ABHD17C: variants seen among roughly 807,000 people sequenced by gnomAD.
ABHD17C encodes abhydrolase domain containing 17C, depalmitoylase, also known as alpha/beta hydrolase domain-containing protein 17C.
ABHD17C carries 11 observed loss-of-function variants against 27.9 expected under a neutral mutation model. The observed-to-expected ratio is 0.39, with a 90% CI of 0.25 to 0.65. The LOEUF (loss-of-function observed/expected upper bound fraction) is 0.65, where lower values mean the gene tolerates loss of function less well. ABHD17C is among the 30% of genes least tolerant of loss of function. The pLI is 0.45. For synonymous variants in ABHD17C, 233 were observed against 209.1 expected, an observed-to-expected ratio of 1.11 and a Z score of -0.98; for missense variants, 280 against 470.2, an observed-to-expected ratio of 0.60 and a Z score of 3.74.
rs560901634 is a variant in ABHD17C at position 80,715,274 on chromosome 15, A to C, written c.590+19255A>C. Among the ~76,000 whole-genome samples the C allele has an allele frequency of 1.8e-3, 271 of 152,318 alleles. 1 individual carries two copies. Among genetic ancestry groups the C allele is most frequent in the Admixed American group, 4.4e-3 (67 of 15,308 alleles). ...CCATTTGGATTGGGTGGTTCTGACC[A>C]CTTTACCATTTTTTATGTTGATTCT... On this transcript the variant is annotated intron_variant, in intron 1 of 2. Transcript: ENST00000258884.
chr15:80,745,546 T>C (rs1371243268), intron 1 of ABHD17C, among the ~76,000 whole-genome samples: 4 of 152,118 alleles, frequency 2.6e-5, no homozygotes, highest in African/African-American at 9.7e-5. Context: ...TTTTTTTATT[T>C]TGTGGAGATG....
chr15:80,707,689 G>A (rs1894667311), intron 1 of ABHD17C, among the ~76,000 whole-genome samples: 1 of 152,112 alleles, frequency 6.6e-6, no homozygotes, highest in South Asian at 2.1e-4. Context: ...CTGGACTTAA[G>A]GCAGATAAGG....
rs529839271 is a variant in ABHD17C, at chr15:80,714,809, A to G, written c.590+18790A>G. ...GTTGAGACACCAGTGTTCTCAATTC[A>G]TAGTGTTACTTAATATATTTTTGGA... On this transcript the variant is annotated intron_variant, in intron 1 of 2. Transcript: ENST00000258884. Among the ~76,000 whole-genome samples, 5 of 152,346 alleles carry G rather than the reference A, an allele frequency of 3.3e-5. No homozygotes were observed. The South Asian group carries it at 6.2e-4, about 19-fold the overall frequency.
chr15:80,705,655 G>A (rs576924972), intron 1 of ABHD17C, among the ~76,000 whole-genome samples: 1 of 152,294 alleles, frequency 6.6e-6, no homozygotes, highest in East Asian at 1.9e-4. Context: ...TAAAGAAGTT[G>A]CTTCTTTTCC....
At chr15:80,739,862 G>T (rs555117877) in intron 1 of ABHD17C, among the ~76,000 whole-genome samples, 1 of 141,456 alleles carries the variant, frequency 7.1e-6, no homozygotes, top group South Asian at 2.4e-4. Context: ...GGGCTGCTGA[G>T]TTCTCCCTAA....
chr15:80,726,776 C>T (rs1246657040), intron 1 of ABHD17C, among the ~76,000 whole-genome samples: 1 of 152,148 alleles, frequency 6.6e-6, no homozygotes, highest in Non-Finnish European at 1.5e-5. Context: ...CCGCCCGCCT[C>T]AGCCTCCCAA....
Position 80,735,656 on chromosome 15 carries a change from G to T in ABHD17C, c.591-13857G>T, listed in dbSNP as rs566737098. Among the ~76,000 whole-genome samples the T allele has an allele frequency of 5.9e-5, 9 of 152,194 alleles. No homozygotes were observed. The South Asian group carries it at 1.9e-3, about 32-fold the overall frequency. Reference sequence around the variant, plus strand: ...AGACTCTCCCTCCCCTGCTGCTATTGCCTTTCTTCATGTTTTTAAATCTCC... The same window carrying T: ...AGACTCTCCCTCCCCTGCTGCTATTTCCTTTCTTCATGTTTTTAAATCTCC... On this transcript the variant is annotated intron_variant, in intron 1 of 2. Transcript: ENST00000258884.
At chr15:80,734,672 G>T (rs1009488080) in intron 1 of ABHD17C, among the ~76,000 whole-genome samples, 8 of 152,156 alleles carry the variant, frequency 5.3e-5, no homozygotes, top group African/African-American at 1.9e-4. Context: ...AAGGGTATAT[G>T]GTAGGAGAGA....
intron 1 of ABHD17C, among the ~76,000 whole-genome samples, chr15:80,712,793 C>T (rs1425342811): frequency 6.6e-6 from 1 of 152,154 alleles, no homozygotes; most frequent in Non-Finnish European, 1.5e-5. Flanking sequence ...AGAATTCAAA[C>T]AATTTTTTTC....
At chr15:80,716,983 GA>G (rs1310406538) in intron 1 of ABHD17C, among the ~76,000 whole-genome samples, 3 of 152,184 alleles carry the variant, frequency 2.0e-5, no homozygotes, top group Non-Finnish European at 4.4e-5. Context: ...GCCAGTTAAT[GA>G]GGCTTAAAGA....
intron 1 of ABHD17C, among the ~76,000 whole-genome samples, chr15:80,731,523 A>G (rs1049522240): frequency 6.6e-6 from 1 of 151,202 alleles, no homozygotes; most frequent in African/African-American, 2.4e-5. Context: ...TGTCATTGCC[A>G]CCAGGCTTCC....
intron 1 of ABHD17C, among the ~76,000 whole-genome samples, chr15:80,722,218 A>C (rs1894906730): frequency 6.8e-6 from 1 of 146,334 alleles, no homozygotes; most frequent in African/African-American, 2.5e-5. Context: ...TTGTAAGTTT[A>C]TTTCTTTCTA....
intron 1 of ABHD17C, among the ~76,000 whole-genome samples, chr15:80,742,009 A>C (rs1596072583): frequency 6.6e-6 from 1 of 152,214 alleles, no homozygotes; most frequent in East Asian, 1.9e-4. Context: ...AGATTTCATC[A>C]TGCTGCTCAG....
At chr15:80,727,523 A>G (rs572029928) in intron 1 of ABHD17C, among the ~76,000 whole-genome samples, 2 of 152,272 alleles carry the variant, frequency 1.3e-5, no homozygotes, top group East Asian at 1.9e-4. Flanking sequence ...ATTCTTTTCA[A>G]ATTAGAATAT....
intron 1 of ABHD17C, among the ~76,000 whole-genome samples, chr15:80,708,903 G>T (rs879089725): frequency 6.6e-6 from 1 of 152,146 alleles, no homozygotes; most frequent in Non-Finnish European, 1.5e-5. Flanking sequence ...TTTTAAACCC[G>T]CAGGCCTGCA....
intron 1 of ABHD17C, among the ~76,000 whole-genome samples, chr15:80,735,900 AC>A (rs1429254121): frequency 2.0e-5 from 3 of 152,090 alleles, no homozygotes; most frequent in African/African-American, 7.2e-5. Context: ...CACATGGTTT[AC>A]CCTCCTTACA....
At chr15:80,708,720 G>A (rs1447396948) in intron 1 of ABHD17C, among the ~76,000 whole-genome samples, 1 of 152,164 alleles carries the variant, frequency 6.6e-6, no homozygotes, top group Non-Finnish European at 1.5e-5. Flanking sequence ...GCAGCCTGGC[G>A]GGTAATGGGT....
intron 1 of ABHD17C, among the ~76,000 whole-genome samples, chr15:80,729,299 C>T (rs1895025196): frequency 6.6e-6 from 1 of 152,138 alleles, no homozygotes; most frequent in African/African-American, 2.4e-5. Context: ...AACTCAAATA[C>T]TCATTTTATT....
intron 1 of ABHD17C, among the ~76,000 whole-genome samples, chr15:80,717,561 T>C (rs1441523488): frequency 5.9e-5 from 9 of 152,086 alleles, no homozygotes; most frequent in African/African-American, 2.2e-4. Flanking sequence ...GCCTGGCTAA[T>C]TTTTGTATCT....
Sources: allele counts gnomAD v4.1 joint callset (sites outside exome capture counted in the v4.1 genomes callset), GRCh38; gene constraint gnomAD v4.1.1; transcripts MANE v1.5; gene names NCBI Gene and HGNC (gene_info 2026-07-23, HGNC 2026-07-21).